Variants in CYB5R4 observed in about 807,000 individuals in gnomAD.
The protein encoded by CYB5R4 is cytochrome b5 reductase 4.
Under a neutral mutation model 70.2 loss-of-function variants are expected in CYB5R4, and 55 were observed. The observed-to-expected ratio is 0.78, with a 90% CI of 0.63 to 0.98. The LOEUF (loss-of-function observed/expected upper bound fraction) is 0.98. Ranked by LOEUF, CYB5R4 falls within the 50% of genes least tolerant of loss-of-function variation. The pLI is 0.00. For missense variants in CYB5R4, 562 were observed against 612.6 expected (o/e 0.92, Z 0.87); for synonymous variants, 197 against 199.5 (o/e 0.99, Z 0.11).
At chr6:83,908,254 G>A (rs554285535) in intron 3 of CYB5R4, among the ~76,000 whole-genome samples, 8 of 151,860 alleles carry the variant, frequency 5.3e-5, no homozygotes, top group East Asian at 3.9e-4. Flanking sequence ...TTTCACTGCC[G>A]GATGACTGCA....
At chr6:83,862,941 G>A (rs1215127442) in intron 1 of CYB5R4, among the ~76,000 whole-genome samples, 1 of 152,206 alleles carries the variant, frequency 6.6e-6, no homozygotes. Flanking sequence ...TGGTTACTTT[G>A]GGAGTAAATG....
intron 2 of CYB5R4, among the ~76,000 whole-genome samples, chr6:83,878,177 C>G (rs913314892): frequency 6.6e-6 from 1 of 151,878 alleles, no homozygotes; most frequent in South Asian, 2.1e-4. Flanking sequence ...TGGTTCCCAT[C>G]TCTCTGCTGG....
intron 2 of CYB5R4, among the ~76,000 whole-genome samples, chr6:83,879,975 G>T (rs184872385): frequency 4.6e-5 from 7 of 152,058 alleles, no homozygotes; most frequent in Non-Finnish European, 8.8e-5. Flanking sequence ...TAGATCATCT[G>T]GTTGCCTTAT....
At chr6:83,926,405 TAACA>T (rs1161319702) in intron 10 of CYB5R4, 1 of 152,038 alleles carries the variant, frequency 6.6e-6, no homozygotes, top group Non-Finnish European at 1.5e-5. Flanking sequence ...AGGACTGCAG[TAACA>T]AACTACTACA....
chr6:83,937,342 C>G (rs1487823384), intron 12 of CYB5R4, among the ~76,000 whole-genome samples: 1 of 151,942 alleles, frequency 6.6e-6, no homozygotes, highest in Non-Finnish European at 1.5e-5. Context: ...ATGGAGCCCT[C>G]CTCTTCCCCT....
chr6:83,943,997 G>A (rs1357165821), intron 14 of CYB5R4, among the ~76,000 whole-genome samples: 4 of 152,174 alleles, frequency 2.6e-5, no homozygotes, highest in African/African-American at 7.2e-5. Context: ...ATGGAACCAA[G>A]TTGGAAAATA....
At chr6:83,866,689 C>A (rs979765453) in intron 2 of CYB5R4, among the ~76,000 whole-genome samples, 1 of 151,944 alleles carries the variant, frequency 6.6e-6, no homozygotes, top group Admixed American at 6.6e-5. Flanking sequence ...GATCTTGGCT[C>A]ACAGCATCCT....
chr6:83,959,930 G>C lies in CYB5R4; in HGVS notation c.*52G>C. On this transcript the variant is annotated 3_prime_UTR_variant, in exon 16 of 16. Transcript: ENST00000369681. ...AACTAGTTTATCTAAATTTGTGATT[G>C]CTTAGGGTTTTTTAAGAGAACATTT... 7.0e-7 allele frequency: 1 copy of C among 1,419,800 alleles called. No homozygotes were observed. The highest frequency in any genetic ancestry group is 1.3e-5 in the South Asian group (1 of 74,666). The allele number at this position is 1,419,800 out of a possible 1,614,324, so 88.0% of individuals were successfully genotyped here.
intron 3 of CYB5R4, among the ~76,000 whole-genome samples, chr6:83,904,486 GA>G (rs939847182): frequency 5.3e-5 from 8 of 151,782 alleles, no homozygotes; most frequent in African/African-American, 1.7e-4. Flanking sequence ...ATGTGCTGAT[GA>G]AAAAAAATGT....
In CYB5R4 at chr6:83,963,963, T is replaced by C; in HGVS notation, c.*4085T>C. 1 of 210,478 alleles carries C rather than the reference T, an allele frequency of 4.8e-6. No individual in the cohort carries two copies. Among genetic ancestry groups the C allele is most frequent in the Non-Finnish European group, 9.2e-6 (1 of 108,620 alleles). 13.0% of individuals were successfully genotyped at this position (210,478 alleles called of 1,614,324 possible). ...AGGGGTTTCCGCTTTTGCATCTTACTCATTTTCTCTTGCGGCCGCCATGTA... is the reference window on the plus strand; with the variant it reads ...AGGGGTTTCCGCTTTTGCATCTTACCCATTTTCTCTTGCGGCCGCCATGTA... On this transcript the variant is annotated 3_prime_UTR_variant, in exon 16 of 16. Transcript: ENST00000369681.
At chr6:83,943,322 G>T (rs886619106) in intron 14 of CYB5R4, among the ~76,000 whole-genome samples, 9 of 152,072 alleles carry the variant, frequency 5.9e-5, no homozygotes, top group African/African-American at 1.7e-4. Context: ...AGGAAAACAG[G>T]GTCTAGAGTG....
At chr6:83,935,507 A>G (rs889680107) in intron 11 of CYB5R4, among the ~76,000 whole-genome samples, 1 of 152,144 alleles carries the variant, frequency 6.6e-6, no homozygotes, top group African/African-American at 2.4e-5. Context: ...GTTATTGCCA[A>G]TGCATTTTAA....
rs1480354164 is a variant in CYB5R4, at chr6:83,963,993, G to GTGCCTT, written c.*4117_*4122dup. On this transcript the variant is annotated 3_prime_UTR_variant, in exon 16 of 16. Transcript: ENST00000369681. ...TTCTCTTGCGGCCGCCATGTAAGAA[G>GTGCCTT]TGCCTTTCACCTCCTGCCATGATTC... The GTGCCTT allele has an allele frequency of 2.3e-4, 53 of 228,268 alleles. 1 individual carries two copies. Among genetic ancestry groups the GTGCCTT allele is most frequent in the African/African-American group, 1.2e-3 (53 of 42,812 alleles). 14.1% of individuals were successfully genotyped at this position (228,268 alleles called of 1,614,324 possible).
chr6:83,867,344 T>C (rs2099456891), intron 2 of CYB5R4, among the ~76,000 whole-genome samples: 1 of 152,186 alleles, frequency 6.6e-6, no homozygotes, highest in Non-Finnish European at 1.5e-5. Flanking sequence ...GTTGGAGAAT[T>C]ATAAGAAGGA....
chr6:83,898,902 A>G (rs1029093955), intron 3 of CYB5R4, among the ~76,000 whole-genome samples: 16 of 152,210 alleles, frequency 1.1e-4, no homozygotes, highest in South Asian at 2.1e-4. Context: ...CAATCATGTC[A>G]TCTGCAAACA....
chr6:83,879,107 C>T (rs556151859), intron 2 of CYB5R4, among the ~76,000 whole-genome samples: 61 of 152,006 alleles, frequency 4.0e-4, no homozygotes, highest in South Asian at 6.2e-4. Context: ...TGCACCTGAG[C>T]CCCAGGGGCT....
intron 2 of CYB5R4, among the ~76,000 whole-genome samples, chr6:83,874,542 C>T (rs1343872874): frequency 2.0e-5 from 3 of 150,292 alleles, no homozygotes; most frequent in Non-Finnish European, 4.4e-5. Context: ...CCCCCTAAGG[C>T]TAATCCCTTT....
intron 1 of CYB5R4, among the ~76,000 whole-genome samples, chr6:83,863,262 A>G (rs1458417396): frequency 1.3e-5 from 2 of 152,190 alleles, no homozygotes; most frequent in African/African-American, 2.4e-5. Flanking sequence ...TGAGAGCCTC[A>G]TAAGGTTTCA....
At chr6:83,884,626 A>G (rs1274193947) in intron 2 of CYB5R4, among the ~76,000 whole-genome samples, 2 of 152,132 alleles carry the variant, frequency 1.3e-5, no homozygotes, top group East Asian at 1.9e-4. Context: ...ATAATGTGCA[A>G]TTTCATTACT....
Sources: gnomAD v4.1 joint callset for allele counts (sites outside exome capture counted in the v4.1 genomes callset) on GRCh38, gnomAD v4.1.1 for gene constraint, MANE v1.5 for transcripts, NCBI Gene and HGNC (gene_info 2026-07-23, HGNC 2026-07-21) for gene names.